The following CYP7B1 variants were observed in gnomAD, a reference collection of about 807,000 sequenced individuals.
CYP7B1 encodes cytochrome P450 7B1.
A neutral mutation model predicts 42.7 loss-of-function variants in CYP7B1; 29 were observed. The ratio of observed to expected loss-of-function variants is 0.68; its 90% CI spans 0.51 to 0.93. CYP7B1 has a LOEUF of 0.93. Ranked by LOEUF, CYP7B1 falls within the 40% of genes least tolerant of loss-of-function variation. CYP7B1 has a pLI of 0.00. For synonymous variants in CYP7B1, 235 were observed against 218.2 expected, an observed-to-expected ratio of 1.08 and a Z score of -0.68; for missense variants, 655 against 600.5, an observed-to-expected ratio of 1.09 and a Z score of -0.95.
At chr8:64,778,683 T>C (rs1212503979) in intron 1 of CYP7B1, among the ~76,000 whole-genome samples, 1 of 152,132 alleles carries the variant, frequency 6.6e-6, no homozygotes, top group Non-Finnish European at 1.5e-5. Context: ...TCCTTCAATC[T>C]GGTTTTACTT....
rs1432108173 is a variant in CYP7B1 at position 64,592,395 on chromosome 8, A to C, written c.*4247T>G. Among the ~76,000 whole-genome samples the C allele has an allele frequency of 6.6e-6, 1 of 152,254 alleles. No homozygotes were observed. On this transcript the variant is annotated 3_prime_UTR_variant, in exon 6 of 6. Transcript: ENST00000310193. Reference sequence around the variant, plus strand: ...GGCTAGTTAGAACTAGTGATAAATCAGAATTTTAAAATAGTTTTAAAGAGA... The same window carrying C: ...GGCTAGTTAGAACTAGTGATAAATCCGAATTTTAAAATAGTTTTAAAGAGA...
chr8:64,792,939 G>A (rs1165925742), intron 1 of CYP7B1, among the ~76,000 whole-genome samples: 2 of 152,142 alleles, frequency 1.3e-5, no homozygotes, highest in Non-Finnish European at 2.9e-5. Flanking sequence ...ATGTGATTAA[G>A]TTAAGGATCG....
chr8:64,651,713 A>C (rs1806041941), intron 1 of CYP7B1, among the ~76,000 whole-genome samples: 6 of 152,208 alleles, frequency 3.9e-5, no homozygotes, highest in Non-Finnish European at 7.3e-5. Context: ...CTTCTGCCAT[A>C]TGAGAAAACA....
intron 1 of CYP7B1, among the ~76,000 whole-genome samples, chr8:64,732,551 A>C (rs1807428311): frequency 6.6e-6 from 1 of 152,094 alleles, no homozygotes; most frequent in African/African-American, 2.4e-5. Context: ...ATGGACTTGC[A>C]CTTTTGGGTT....
chr8:64,770,018 C>T (rs1382725288), intron 1 of CYP7B1, among the ~76,000 whole-genome samples: 1 of 152,082 alleles, frequency 6.6e-6, no homozygotes, highest in Non-Finnish European at 1.5e-5. Context: ...TTAATAGTCT[C>T]AATTACATTT....
Position 64,595,617 on chromosome 8 carries a change from T to G in CYP7B1, c.*1025A>C, listed in dbSNP as rs1245505714. Reference sequence around the variant, plus strand: ...CTGGGCAACACAGCCAGATACTCTCTCAATTGAAAAAAAATCTTTGAATTA... The same window carrying G: ...CTGGGCAACACAGCCAGATACTCTCGCAATTGAAAAAAAATCTTTGAATTA... On this transcript the variant is annotated 3_prime_UTR_variant, in exon 6 of 6. Transcript: ENST00000310193. Among the ~76,000 whole-genome samples, 1 of 152,142 alleles carries G rather than the reference T, an allele frequency of 6.6e-6. No individual in the cohort carries two copies. The highest frequency in any genetic ancestry group is 2.4e-5 in the African/African-American group (1 of 41,436).
intron 1 of CYP7B1, among the ~76,000 whole-genome samples, chr8:64,793,369 A>G (rs925507468): frequency 2.0e-5 from 3 of 152,096 alleles, no homozygotes; most frequent in African/African-American, 7.2e-5. Context: ...ATTGTTTCAG[A>G]AAAACTATTT....
At chr8:64,643,247 A>T (rs1217944267) in intron 1 of CYP7B1, among the ~76,000 whole-genome samples, 1 of 150,938 alleles carries the variant, frequency 6.6e-6, no homozygotes, top group East Asian at 1.9e-4. Context: ...CTGCAGGTTC[A>T]GTTCCAGACC....
intron 1 of CYP7B1, among the ~76,000 whole-genome samples, chr8:64,775,035 G>A (rs986070005): frequency 6.6e-6 from 1 of 152,050 alleles, no homozygotes; most frequent in Non-Finnish European, 1.5e-5. Flanking sequence ...TCTGTAACAA[G>A]AGTTTCATCC....
chr8:64,689,487 G>A (rs1161170492), intron 1 of CYP7B1, among the ~76,000 whole-genome samples: 1 of 152,114 alleles, frequency 6.6e-6, no homozygotes, highest in Non-Finnish European at 1.5e-5. Flanking sequence ...AATGAAATTG[G>A]TCCATGTTGA....
intron 1 of CYP7B1, among the ~76,000 whole-genome samples, chr8:64,665,293 T>C (rs1221145606): frequency 6.6e-6 from 1 of 152,140 alleles, no homozygotes; most frequent in Non-Finnish European, 1.5e-5. Context: ...ATATGCAGTA[T>C]AAAGCACTCT....
chr8:64,594,844 TAG>T lies in CYP7B1; in HGVS notation c.*1796_*1797del, dbSNP rs1344094727. ...GTATGTAGAGTGAGAGGATCTAATG[TAG>T]AGTGTGAGAACAGTAATATTCACAG... On this transcript the variant is annotated 3_prime_UTR_variant, in exon 6 of 6. Transcript: ENST00000310193. 6.6e-6 allele frequency among the ~76,000 whole-genome samples: 1 copy of T among 152,206 alleles called. No individual in the cohort carries two copies. Among genetic ancestry groups the T allele is most frequent in the Non-Finnish European group, 1.5e-5 (1 of 68,044 alleles).
At chr8:64,636,521 T>C (rs1246991849) in intron 1 of CYP7B1, among the ~76,000 whole-genome samples, 1 of 152,164 alleles carries the variant, frequency 6.6e-6, no homozygotes, top group Non-Finnish European at 1.5e-5. Flanking sequence ...TAATCATGGC[T>C]CTCTCCTGAC....
intron 1 of CYP7B1, among the ~76,000 whole-genome samples, chr8:64,777,539 C>T (rs935622590): frequency 2.0e-5 from 3 of 151,844 alleles, no homozygotes; most frequent in Non-Finnish European, 4.4e-5. Context: ...GACCACGTGC[C>T]GACTATTTAT....
At chr8:64,628,369 C>T (rs890440309) in intron 1 of CYP7B1, among the ~76,000 whole-genome samples, 20 of 152,080 alleles carry the variant, frequency 1.3e-4, no homozygotes, top group African/African-American at 3.9e-4. Context: ...ATTTTGGAGA[C>T]GGGGAGTGGT....
intron 1 of CYP7B1, among the ~76,000 whole-genome samples, chr8:64,687,040 C>T (rs1806663541): frequency 6.9e-6 from 1 of 144,378 alleles, no homozygotes; most frequent in Non-Finnish European, 1.5e-5. Flanking sequence ...CCTTTGTTCA[C>T]TTGTTTATCT....
chr8:64,633,393 T>C (rs1407055605), intron 1 of CYP7B1, among the ~76,000 whole-genome samples: 1 of 152,182 alleles, frequency 6.6e-6, no homozygotes, highest in Admixed American at 6.5e-5. Flanking sequence ...CCTAATGAAG[T>C]ACTACAGTAA....
chr8:64,633,726 C>T (rs1311808663), intron 1 of CYP7B1, among the ~76,000 whole-genome samples: 1 of 152,076 alleles, frequency 6.6e-6, no homozygotes, highest in Non-Finnish European at 1.5e-5. Context: ...CAATCCCAAT[C>T]AAAATTCTAG....
chr8:64,698,287 G>T (rs1806860919), intron 1 of CYP7B1, among the ~76,000 whole-genome samples: 1 of 152,140 alleles, frequency 6.6e-6, no homozygotes, highest in South Asian at 2.1e-4. Flanking sequence ...CGTTGGCATG[G>T]TGTTGATTTA....
Sources: allele counts gnomAD v4.1 joint callset (sites outside exome capture counted in the v4.1 genomes callset), GRCh38; gene constraint gnomAD v4.1.1; transcripts MANE v1.5; gene names NCBI Gene and HGNC (gene_info 2026-07-23, HGNC 2026-07-21).